The following MYOF variants were observed in gnomAD, a reference collection of about 807,000 sequenced individuals.
MYOF encodes myoferlin.
In MYOF, 244 loss-of-function variants were observed where a neutral mutation model predicts 284.2. The ratio of observed to expected loss-of-function variants is 0.86; its 90% CI spans 0.77 to 0.95. MYOF has a LOEUF of 0.95. MYOF is among the 40% of genes least tolerant of loss of function. The pLI is 0.00. For missense variants in MYOF, 2,496 were observed against 2,560.6 expected (o/e 0.97, Z 0.54); for synonymous variants, 904 against 919.7 (o/e 0.98, Z 0.31).
At chr10:93,340,887 A>G (rs1389340672) in intron 38 of MYOF, among the ~76,000 whole-genome samples, 1 of 152,134 alleles carries the variant, frequency 6.6e-6, no homozygotes, top group Non-Finnish European at 1.5e-5. Context: ...GCTCGTCCTC[A>G]GCAGCAGTTT....
At chr10:93,319,323 A>T (rs1278160101) in intron 49 of MYOF, among the ~76,000 whole-genome samples, 1 of 152,192 alleles carries the variant, frequency 6.6e-6, no homozygotes, top group African/African-American at 2.4e-5. Context: ...AGCCAGCAGA[A>T]GCCTGGACTT....
rs571085316 is a variant in MYOF, at chr10:93,319,745, C to A, written c.5598+127G>T. On this transcript the variant is annotated intron_variant, in intron 49 of 53. Coordinates refer to ENST00000359263, the MANE Select transcript of MYOF (RefSeq NM_013451.4). ...ACAAGTGTCAAGGTGGCAGATTCCC[C>A]ATCTCTGCTGAGAAGGAGCCGGACT... The A allele has an allele frequency of 2.1e-4, 270 of 1,285,498 alleles. 2 individuals carry two copies. In the Middle Eastern group the frequency reaches 2.9e-3, roughly 14 times the overall value. 79.6% of individuals were successfully genotyped at this position (1,285,498 alleles called of 1,614,324 possible). A position where few individuals can be genotyped will look rare whatever the true frequency, so the allele number is the denominator to read the frequency against.
chr10:93,347,063 C>A (rs548503516), intron 37 of MYOF, among the ~76,000 whole-genome samples: 1 of 152,300 alleles, frequency 6.6e-6, no homozygotes, highest in African/African-American at 2.4e-5. Context: ...AGAGAGGAAT[C>A]CCTCGAGCAT....
intron 5 of MYOF, among the ~76,000 whole-genome samples, chr10:93,423,692 A>G (rs1273925882): frequency 6.6e-6 from 1 of 150,862 alleles, no homozygotes; most frequent in Admixed American, 6.6e-5. Context: ...AATTAGCTGG[A>G]CGTGGTGGCG....
intron 13 of MYOF, among the ~76,000 whole-genome samples, chr10:93,398,905 C>T (rs1406714725): frequency 6.6e-6 from 1 of 152,164 alleles, no homozygotes; most frequent in Admixed American, 6.5e-5. Context: ...GCTGTCCCTA[C>T]ACCAAGAGTC....
intron 1 of MYOF, among the ~76,000 whole-genome samples, chr10:93,468,529 A>G (rs1339510221): frequency 6.6e-6 from 1 of 152,236 alleles, no homozygotes; most frequent in Non-Finnish European, 1.5e-5. Flanking sequence ...AAGAGAAAAT[A>G]AAATAGTCAC....
intron 48 of MYOF, among the ~76,000 whole-genome samples, chr10:93,321,575 G>C (rs1842842245): frequency 6.6e-6 from 1 of 152,004 alleles, no homozygotes; most frequent in Non-Finnish European, 1.5e-5. Context: ...TAACTTTTAA[G>C]GTAACTCACT....
intron 43 of MYOF, among the ~76,000 whole-genome samples, chr10:93,330,599 C>T (rs1250414650): frequency 1.3e-5 from 2 of 152,182 alleles, no homozygotes; most frequent in Admixed American, 6.5e-5. Context: ...AAAATGCAAA[C>T]ACTCCTGAGA....
chr10:93,349,773 C>T (rs775509411), intron 36 of MYOF, 35 bp downstream of exon 36: 91 of 1,598,532 alleles, frequency 5.7e-5, no homozygotes, highest in South Asian at 2.4e-4. Context: ...CATATTTCAA[C>T]GCGCATGGGT....
chr10:93,478,839 AAAAAG>A (rs1340412089), intron 1 of MYOF, among the ~76,000 whole-genome samples: 3 of 116,590 alleles, frequency 2.6e-5, no homozygotes, highest in African/African-American at 9.8e-5. Flanking sequence ...AAAAAAAAAA[AAAAAG>A]AAAGAAAGAA....
chr10:93,418,063 A>T (rs117053360), intron 5 of MYOF, among the ~76,000 whole-genome samples: 1 of 152,138 alleles, frequency 6.6e-6, no homozygotes, highest in Non-Finnish European at 1.5e-5. Context: ...CGGCCTCCCA[A>T]AGTCCTGGTA....
At position 93,306,951 on chromosome 10, in the gene MYOF, C is replaced by T. The variant is rs752788414; in HGVS notation, c.*12G>A. ...TTGCTGGATGACTCTTGAAATGAAGCCTTTGCCTTTGTTACACATTTGGCT... is the reference window on the plus strand; with the variant it reads ...TTGCTGGATGACTCTTGAAATGAAGTCTTTGCCTTTGTTACACATTTGGCT... On this transcript the variant is annotated 3_prime_UTR_variant, in exon 54 of 54. Coordinates refer to ENST00000359263, the MANE Select transcript of MYOF (RefSeq NM_013451.4). 5 of 1,611,554 alleles carry T rather than the reference C, an allele frequency of 3.1e-6. No individual in the cohort carries two copies. The highest frequency in any genetic ancestry group is 2.7e-5 in the African/African-American group (2 of 74,752).
chr10:93,470,238 A>AAAAG (rs1390923821), intron 1 of MYOF, among the ~76,000 whole-genome samples: 179 of 58,864 alleles, frequency 3.0e-3, no homozygotes, highest in African/African-American at 9.0e-3. Flanking sequence ...CAAAAAAAAA[A>AAAAG]AAAGAAAGAA....
At position 93,364,084 on chromosome 10, in the gene MYOF, C is replaced by T. The variant is rs553434531; in HGVS notation, c.2754-9G>A. 1.8e-5 allele frequency: 29 copies of T among 1,612,536 alleles called. No individual in the cohort carries two copies. The highest frequency in any genetic ancestry group is 5.0e-5 in the Admixed American group (3 of 59,968). On this transcript the variant is annotated splice_polypyrimidine_tract_variant and intron_variant, in intron 26 of 53. Coordinates refer to ENST00000359263, the MANE Select transcript of MYOF (RefSeq NM_013451.4). ...CTGCCTCAGTCAGCAAGCTGTGGGG[C>T]GGGGAGGGCTCAAGTTACCCAAGGA...
At chr10:93,469,179 C>G (rs541164930) in intron 1 of MYOF, among the ~76,000 whole-genome samples, 1 of 152,066 alleles carries the variant, frequency 6.6e-6, no homozygotes, top group African/African-American at 2.4e-5. Context: ...GTGGGTGGAT[C>G]GCTTGAGGTC....
chr10:93,333,333 G>T, intron 42 of MYOF, 21 bp from the exon 43 acceptor site: 2 of 1,598,318 alleles, frequency 1.3e-6, no homozygotes, highest in Non-Finnish European at 1.7e-6. Flanking sequence ...AAATAGACGG[G>T]ATGTTACATC....
At position 93,312,965 on chromosome 10, in the gene MYOF, C is replaced by T. The variant is rs1287738637; in HGVS notation, c.5889+55G>A. On this transcript the variant is annotated intron_variant, in intron 51 of 53. Coordinates refer to ENST00000359263, the MANE Select transcript of MYOF (RefSeq NM_013451.4). The stretch of plus-strand genomic sequence containing the variant: ...GTAAGTCTATGGATAAAGGGCAAAA[C>T]CTAAATGATAAAAGGCATAAACGAT... 27 of 1,527,448 alleles carry T rather than the reference C, an allele frequency of 1.8e-5. No individual in the cohort carries two copies. The East Asian group carries it at 6.2e-4, about 35-fold the overall frequency. 94.6% of individuals were successfully genotyped at this position (1,527,448 alleles called of 1,614,324 possible).
chr10:93,476,459 C>T (rs1215969894), intron 1 of MYOF, among the ~76,000 whole-genome samples: 1 of 151,610 alleles, frequency 6.6e-6, no homozygotes, highest in African/African-American at 2.4e-5. Context: ...ACCATGTTGG[C>T]CAGGAAGTTA....
chr10:93,355,764 C>T, intron 30 of MYOF, 28 bp from the exon 31 acceptor site: 1 of 1,564,564 alleles, frequency 6.4e-7, no homozygotes, highest in Non-Finnish European at 8.8e-7. Flanking sequence ...AGTCAATTAG[C>T]AGAGAAGTCA....
Sources: gnomAD v4.1 joint callset for allele counts (sites outside exome capture counted in the v4.1 genomes callset) on GRCh38, gnomAD v4.1.1 for gene constraint, MANE v1.5 for transcripts, NCBI Gene and HGNC (gene_info 2026-07-23, HGNC 2026-07-21) for gene names.